The following ACOX3 variants were observed in gnomAD, a reference collection of about 807,000 sequenced individuals.
ACOX3 encodes acyl-CoA oxidase 3, pristanoyl, also known as peroxisomal acyl-coenzyme A oxidase 3.
Under a neutral mutation model 81.5 loss-of-function variants are expected in ACOX3, and 73 were observed. The observed-to-expected ratio is 0.90, with a 90% CI of 0.74 to 1.09. The LOEUF (loss-of-function observed/expected upper bound fraction) is 1.09. Among genes scored for constraint, ACOX3 ranks in the 50% least tolerant of loss-of-function variants. The pLI is 0.00. For missense variants in ACOX3, 947 were observed against 928.0 expected (o/e 1.02, Z -0.27); for synonymous variants, 387 against 375.1 (o/e 1.03, Z -0.37).
Position 8,416,054 on chromosome 4 carries a change from T to C in ACOX3, c.145-55A>G. ...TTTGGAGTAAAAGATGGACTCTCCA[T>C]GTGCCCTTATATAGTTGACCTCCAG... On this transcript the variant is annotated intron_variant, in intron 2 of 17. Transcript: ENST00000356406. This position sits in a 1 kb window ranked among gnomAD's most constrained non-coding sequence, Gnocchi z 4.2. 1 of 1,550,994 alleles carries C rather than the reference T, an allele frequency of 6.4e-7. No individual in the cohort carries two copies. The highest frequency in any genetic ancestry group is 8.9e-7 in the Non-Finnish European group (1 of 1,126,282).
chr4:8,394,824 C>A lies in ACOX3; in HGVS notation c.1057-82G>T. 1 of 1,526,528 alleles carries A rather than the reference C, an allele frequency of 6.6e-7. No homozygotes were observed. Among genetic ancestry groups the A allele is most frequent in the Non-Finnish European group, 8.8e-7 (1 of 1,132,638 alleles). The allele number at this position is 1,526,528 out of a possible 1,614,324, so 94.6% of individuals were successfully genotyped here. A position where few individuals can be genotyped will look rare whatever the true frequency, so the allele number is the denominator to read the frequency against. On this transcript the variant is annotated intron_variant, in intron 9 of 17. Transcript: ENST00000356406. This position sits in a 1 kb window ranked among gnomAD's most constrained non-coding sequence, Gnocchi z 5.9. The stretch of plus-strand genomic sequence containing the variant: ...ATCCCAGGGACCATGAAAGCCAGTG[C>A]AGGGAGAGGCCGTCAGGGCCACACA...
chr4:8,373,291 C>T (rs1317436651), intron 16 of ACOX3, among the ~76,000 whole-genome samples: 1 of 151,716 alleles, frequency 6.6e-6, no homozygotes, highest in Non-Finnish European at 1.5e-5. Flanking sequence ...ACACTGAACA[C>T]ACGTGAATGT....
chr4:8,401,058 C>A (rs529523583), intron 7 of ACOX3, among the ~76,000 whole-genome samples: 2 of 151,798 alleles, frequency 1.3e-5, no homozygotes, highest in Non-Finnish European at 2.9e-5. Context: ...AAGGAGCGCT[C>A]GCCTTAGATC....
intron 13 of ACOX3, among the ~76,000 whole-genome samples, chr4:8,383,222 A>G (rs1046262471): frequency 1.1e-4 from 16 of 152,300 alleles, no homozygotes; most frequent in African/African-American, 3.8e-4. Flanking sequence ...CAGGCAGGGC[A>G]CAGGCAGGGT....
In ACOX3 at chr4:8,430,742, G is replaced by C. The variant is rs1162652260; in HGVS notation, c.-15+9906C>G. Among the ~76,000 whole-genome samples the C allele has an allele frequency of 6.6e-6, 1 of 152,182 alleles. No homozygotes were observed. Among genetic ancestry groups the C allele is most frequent in the Non-Finnish European group, 1.5e-5 (1 of 68,042 alleles). On this transcript the variant is annotated intron_variant, in intron 1 of 17. Coordinates refer to ENST00000356406, the MANE Select transcript of ACOX3 (RefSeq NM_003501.3). This position sits in a 1 kb window ranked among gnomAD's most constrained non-coding sequence, Gnocchi z 5.2. ...ATGGTGGCGGGCGCCTGTAATCCCA[G>C]CTACTTGGGAGGCTGAGGCAAGAGA...
Position 8,368,639 on chromosome 4 carries a change from C to T in ACOX3, c.1984-1559G>A, listed in dbSNP as rs1440934893. Among the ~76,000 whole-genome samples, 1 of 152,168 alleles carries T rather than the reference C, an allele frequency of 6.6e-6. No individual in the cohort carries two copies. The highest frequency in any genetic ancestry group is 1.5e-5 in the Non-Finnish European group (1 of 68,040). ...GCTTGATTTAAGGATGGTCTCAACT[C>T]CCCTGCAGCTCTGTTTGTTCGCTTA... On this transcript the variant is annotated intron_variant, in intron 17 of 17. Transcript: ENST00000356406. This position sits in a 1 kb window ranked among gnomAD's most constrained non-coding sequence, Gnocchi z 5.9.
chr4:8,356,440 C>G, the ACOX3 span: 1 of 420,666 alleles, frequency 2.4e-6, no homozygotes, highest in African/African-American at 2.0e-5. Flanking sequence ...TTGATCTCTC[C>G]ATCTCTCAGG....
intron 11 of ACOX3, among the ~76,000 whole-genome samples, chr4:8,391,802 C>G (rs1254592589): frequency 1.3e-5 from 2 of 152,238 alleles, no homozygotes; most frequent in African/African-American, 4.8e-5. Context: ...CAATCCCAGG[C>G]AAGCTGGTGG....
chr4:8,420,564 G>C (rs2109002993), intron 1 of ACOX3, among the ~76,000 whole-genome samples: 1 of 152,348 alleles, frequency 6.6e-6, no homozygotes, highest in South Asian at 2.1e-4. Context: ...CCTATCCCCT[G>C]AGAGCACAGG....
At chr4:8,356,773 C>T in the ACOX3 span, 3 of 456,066 alleles carry the variant, frequency 6.6e-6, no homozygotes, top group African/African-American at 4.0e-5. Context: ...CAACATGATC[C>T]CAGCAGGTGA....
In ACOX3 at chr4:8,416,676, C is replaced by G. The variant is rs368988579; in HGVS notation, c.-14-141G>C. 83 of 949,660 alleles carry G rather than the reference C, an allele frequency of 8.7e-5. 1 individual carries two copies. The highest frequency in any genetic ancestry group is 7.5e-4 in the African/African-American group (45 of 59,726). 58.8% of individuals were successfully genotyped at this position (949,660 alleles called of 1,614,324 possible). ...AAAAGGATGGCAAAAGAGAATCACT[C>G]TGTGAATGGCTAGCATCATTTTCCC... On this transcript the variant is annotated intron_variant, in intron 1 of 17. Coordinates refer to ENST00000356406, the MANE Select transcript of ACOX3 (RefSeq NM_003501.3). This position sits in a 1 kb window ranked among gnomAD's most constrained non-coding sequence, Gnocchi z 4.2.
the ACOX3 span, among the ~76,000 whole-genome samples, chr4:8,360,413 T>A: frequency 6.6e-6 from 1 of 152,026 alleles, no homozygotes; most frequent in Non-Finnish European, 1.5e-5. Context: ...TTGGTCTAAA[T>A]TATGCAGGTG....
Position 8,381,442 on chromosome 4 carries a change from G to A in ACOX3, c.1653+50C>T, listed in dbSNP as rs1360511063. On this transcript the variant is annotated intron_variant, in intron 14 of 17. Coordinates refer to ENST00000356406, the MANE Select transcript of ACOX3 (RefSeq NM_003501.3). This position sits in a 1 kb window ranked among gnomAD's most constrained non-coding sequence, Gnocchi z 4.3. The stretch of plus-strand genomic sequence containing the variant: ...AAACTCCCAGGGACACAACGGCCAG[G>A]GAATTAAGAGCAAATAATACAAAAG... The A allele has an allele frequency of 6.5e-7, 1 of 1,541,712 alleles. No individual in the cohort carries two copies. Among genetic ancestry groups the A allele is most frequent in the Non-Finnish European group, 8.9e-7 (1 of 1,118,388 alleles).
chr4:8,393,629 A>ACACACG (rs1484171770), intron 10 of ACOX3, among the ~76,000 whole-genome samples: 14 of 107,726 alleles, frequency 1.3e-4, no homozygotes, highest in African/African-American at 5.3e-4. Context: ...ACACACACAC[A>ACACACG]CACACACGCA....
In ACOX3 at chr4:8,437,380, G is replaced by T. The variant is rs1246274920; in HGVS notation, c.-15+3268C>A. Among the ~76,000 whole-genome samples, 4 of 152,048 alleles carry T rather than the reference G, an allele frequency of 2.6e-5. No individual in the cohort carries two copies. Among genetic ancestry groups the T allele is most frequent in the Non-Finnish European group, 4.4e-5 (3 of 68,022 alleles). On this transcript the variant is annotated intron_variant, in intron 1 of 17. Transcript: ENST00000356406. The surrounding 1 kb of genome is among the most constrained non-coding windows in gnomAD (Gnocchi z 5.2). ...GAAAAAAAGAGGAGGCTAGAGACCG[G>T]TGCCAAGAGAAGAGCAAAACAAAAA...
intron 5 of ACOX3, among the ~76,000 whole-genome samples, chr4:8,413,586 C>T (rs1488283267): frequency 1.3e-5 from 2 of 150,378 alleles, no homozygotes; most frequent in Non-Finnish European, 3.0e-5. Flanking sequence ...TGCGCCCCTC[C>T]ACAGCACTGA....
intron 14 of ACOX3, among the ~76,000 whole-genome samples, chr4:8,375,752 A>G (rs752338969): frequency 6.6e-6 from 1 of 152,174 alleles, no homozygotes; most frequent in Non-Finnish European, 1.5e-5. Context: ...CCACTTGTAC[A>G]TGTGAACATG....
At chr4:8,398,451 T>G (rs1423180933) in intron 8 of ACOX3, among the ~76,000 whole-genome samples, 1 of 152,088 alleles carries the variant, frequency 6.6e-6, no homozygotes, top group Non-Finnish European at 1.5e-5. Context: ...TTAGAGACAT[T>G]TCTCTCCTTT....
chr4:8,424,730 A>G (rs903395905), intron 1 of ACOX3, among the ~76,000 whole-genome samples: 5 of 152,246 alleles, frequency 3.3e-5, no homozygotes, highest in African/African-American at 1.2e-4. Context: ...CTTCCAGACA[A>G]TGAAGAAAAG....
Sources: allele counts gnomAD v4.1 joint callset (sites outside exome capture counted in the v4.1 genomes callset), GRCh38; gene constraint gnomAD v4.1.1; non-coding constraint Gnocchi (gnomAD v3.1); transcripts MANE v1.5; gene names NCBI Gene and HGNC (gene_info 2026-07-23, HGNC 2026-07-21).